Variants in CRIM1 observed in about 807,000 individuals in gnomAD.
CRIM1 encodes cysteine rich transmembrane BMP regulator 1, also known as cysteine-rich motor neuron 1 protein.
Under a neutral mutation model 116.4 loss-of-function variants are expected in CRIM1, and 32 were observed. The observed-to-expected ratio is 0.27, with a 90% CI of 0.21 to 0.37. The LOEUF is 0.37. Ranked by LOEUF, CRIM1 falls within the 10% of genes least tolerant of loss-of-function variation. The pLI is 1.00. For missense variants in CRIM1, 1,331 were observed against 1,354.8 expected, an observed-to-expected ratio of 0.98 and a Z score of 0.28; for synonymous variants, 590 against 509.2, an observed-to-expected ratio of 1.16 and a Z score of -2.13.
chr2:36,470,681 G>A lies in CRIM1; in HGVS notation c.991+6026G>A, dbSNP rs186850541. Among the ~76,000 whole-genome samples, 155 of 152,304 alleles carry A rather than the reference G, an allele frequency of 1.0e-3. 2 individuals carry two copies. The highest frequency in any genetic ancestry group is 3.7e-3 in the African/African-American group (153 of 41,570). On this transcript the variant is annotated intron_variant, in intron 5 of 16. Coordinates refer to ENST00000280527, the MANE Select transcript of CRIM1 (RefSeq NM_016441.3). ...TGACAATGCACCTGGTCTCCCAAGA[G>A]CTCTGATGGAGGTGTACAAGATTAG...
chr2:36,473,738 G>A (rs1678730859), intron 5 of CRIM1, among the ~76,000 whole-genome samples: 1 of 151,910 alleles, frequency 6.6e-6, no homozygotes, highest in South Asian at 2.1e-4. Context: ...ATATTTTATT[G>A]TATAGATATA....
chr2:36,493,716 G>A (rs1572863656), intron 7 of CRIM1, among the ~76,000 whole-genome samples: 1 of 152,274 alleles, frequency 6.6e-6, no homozygotes, highest in East Asian at 1.9e-4. Context: ...TAAGAACCTT[G>A]TATGGATTAA....
chr2:36,451,549 GA>G (rs1264021833), intron 4 of CRIM1, among the ~76,000 whole-genome samples: 1 of 152,088 alleles, frequency 6.6e-6, no homozygotes. Flanking sequence ...CTCTGTTCTG[GA>G]ACATCTGTCT....
intron 7 of CRIM1, among the ~76,000 whole-genome samples, chr2:36,491,260 C>A (rs929528772): frequency 1.3e-5 from 2 of 152,108 alleles, no homozygotes; most frequent in South Asian, 4.2e-4. Context: ...ATCATATGAT[C>A]GTATTTTAAC....
intron 10 of CRIM1, 92 bp downstream of exon 10, chr2:36,512,486 T>C: frequency 7.2e-7 from 1 of 1,386,164 alleles, no homozygotes; most frequent in Non-Finnish European, 9.9e-7. Flanking sequence ...ATGGTTTCGG[T>C]GGTTGCTGCC....
At chr2:36,448,422 C>T (rs1676417077) in intron 4 of CRIM1, among the ~76,000 whole-genome samples, 1 of 152,232 alleles carries the variant, frequency 6.6e-6, no homozygotes, top group Non-Finnish European at 1.5e-5. Flanking sequence ...AGTGTTTTCT[C>T]TGCACTTCCT....
chr2:36,363,583 G>A (rs994221160), intron 1 of CRIM1, among the ~76,000 whole-genome samples: 1 of 137,260 alleles, frequency 7.3e-6, no homozygotes, highest in Admixed American at 8.5e-5. Flanking sequence ...TTTCTACAAA[G>A]TTTGTATATT....
intron 11 of CRIM1, among the ~76,000 whole-genome samples, chr2:36,514,239 G>T (rs150325494): frequency 2.4e-3 from 361 of 152,264 alleles, no homozygotes; most frequent in African/African-American, 8.2e-3. Flanking sequence ...TAGACATGTG[G>T]CACTCTTGCC....
Position 36,442,732 on chromosome 2 carries a change from C to A in CRIM1, c.866C>A (p.Thr289Lys), listed in dbSNP as rs1273733095. 6.2e-7 allele frequency: 1 copy of A among 1,614,136 alleles called. No homozygotes were observed. Among genetic ancestry groups the A allele is most frequent in the Admixed American group, 1.7e-5 (1 of 60,018 alleles). The change falls in exon 4 of 17, where the codon ACA (threonine) becomes AAA (lysine). Residue 289 changes from threonine to lysine, a missense_variant. Thr to Lys is a moderately conservative substitution (Grantham distance 78). Transcript: ENST00000280527. ...LTADGCCTLP[T>K]RCECLSGLCG... ...GCAGATGGTTGCTGTACTTTGCCAACAAGGTTAGTTTGCCATTAGTTTGTC... is the reference window on the plus strand; with the variant it reads ...GCAGATGGTTGCTGTACTTTGCCAAAAAGGTTAGTTTGCCATTAGTTTGTC...
chr2:36,395,149 G>A (rs1426379638), intron 1 of CRIM1, among the ~76,000 whole-genome samples: 1 of 151,788 alleles, frequency 6.6e-6, no homozygotes, highest in Non-Finnish European at 1.5e-5. Flanking sequence ...TGAGTAACTG[G>A]GACCACAGGC....
chr2:36,467,004 T>C lies in CRIM1; in HGVS notation c.991+2349T>C, dbSNP rs72865078. On this transcript the variant is annotated intron_variant, in intron 5 of 16. Transcript: ENST00000280527. ...TTATGTCTTGCTCCAGTCTGATGTGTCTCAAACTACTAATAGCCGTACCTC... is the reference window on the plus strand; with the variant it reads ...TTATGTCTTGCTCCAGTCTGATGTGCCTCAAACTACTAATAGCCGTACCTC... Among the ~76,000 whole-genome samples, 473 of 152,324 alleles carry C rather than the reference T, an allele frequency of 3.1e-3. 2 individuals are homozygous for C. The highest frequency in any genetic ancestry group is 0.011 in the African/African-American group (450 of 41,556).
intron 4 of CRIM1, among the ~76,000 whole-genome samples, chr2:36,451,997 A>G (rs1333196487): frequency 6.6e-6 from 1 of 152,178 alleles, no homozygotes; most frequent in Admixed American, 6.5e-5. Context: ...AACCAGTTTT[A>G]ACTATCCCTG....
chr2:36,389,476 TC>T (rs1422993938), intron 1 of CRIM1, among the ~76,000 whole-genome samples: 1 of 152,172 alleles, frequency 6.6e-6, no homozygotes, highest in Non-Finnish European at 1.5e-5. Context: ...TGATATATAT[TC>T]CCAGGAGCTT....
At chr2:36,412,468 C>T (rs983988276) in intron 2 of CRIM1, among the ~76,000 whole-genome samples, 5 of 152,066 alleles carry the variant, frequency 3.3e-5, no homozygotes, top group African/African-American at 9.7e-5. Flanking sequence ...TTACTGCTCT[C>T]TTTATTGAAA....
intron 1 of CRIM1, among the ~76,000 whole-genome samples, chr2:36,390,814 A>C (rs1329061418): frequency 6.6e-6 from 1 of 151,800 alleles, no homozygotes; most frequent in Non-Finnish European, 1.5e-5. Flanking sequence ...ACTTATTTTT[A>C]TTTATTTATT....
At chr2:36,490,245 G>C (rs1280314849) in intron 7 of CRIM1, among the ~76,000 whole-genome samples, 2 of 152,174 alleles carry the variant, frequency 1.3e-5, no homozygotes. Context: ...ATTACAACAA[G>C]AAGTAATGTT....
chr2:36,547,876 T>C (rs1267354248), intron 16 of CRIM1, among the ~76,000 whole-genome samples: 1 of 152,230 alleles, frequency 6.6e-6, no homozygotes, highest in Admixed American at 6.5e-5. Context: ...TTGCCTTGAG[T>C]TGGTTTATTT....
intron 16 of CRIM1, among the ~76,000 whole-genome samples, chr2:36,548,250 G>T: frequency 6.8e-6 from 1 of 146,550 alleles, no homozygotes; most frequent in Non-Finnish European, 1.5e-5. Context: ...TCAAGGATTT[G>T]AAATCATTTC....
intron 4 of CRIM1, among the ~76,000 whole-genome samples, chr2:36,445,994 C>G (rs1387064021): frequency 6.6e-6 from 1 of 152,086 alleles, no homozygotes; most frequent in Non-Finnish European, 1.5e-5. Context: ...GAAATTAGAG[C>G]CATTTGAGAG....
Sources: allele counts gnomAD v4.1 joint callset (sites outside exome capture counted in the v4.1 genomes callset), GRCh38; gene constraint gnomAD v4.1.1; transcripts MANE v1.5; gene names NCBI Gene and HGNC (gene_info 2026-07-23, HGNC 2026-07-21).